The following KAZN variants were observed in gnomAD, a reference collection of about 807,000 sequenced individuals.
KAZN encodes kazrin, periplakin interacting protein, also known as kazrin.
A neutral mutation model predicts 87.4 loss-of-function variants in KAZN; 40 were observed. That is an observed-to-expected ratio of 0.46 (90% CI 0.36 to 0.60). The LOEUF is 0.60. Among genes scored for constraint, KAZN ranks in the 20% least tolerant of loss-of-function variants. The pLI, the probability that KAZN is intolerant of heterozygous loss-of-function variation, is 0.00. For synonymous variants in KAZN, 466 were observed against 458.3 expected (o/e 1.02, Z -0.22); for missense variants, 898 against 1,073.9 (o/e 0.84, Z 2.29).
chr1:14,165,333 A>G (rs190191829), intron 1 of KAZN, among the ~76,000 whole-genome samples: 155 of 148,030 alleles, frequency 1.0e-3, no homozygotes, highest in African/African-American at 2.8e-3. Context: ...TGTCTACTCC[A>G]CTCCCTGCCT....
intron 2 of KAZN, among the ~76,000 whole-genome samples, chr1:14,579,340 A>G (rs1675384979): frequency 6.6e-6 from 1 of 152,200 alleles, no homozygotes; most frequent in African/African-American, 2.4e-5. Context: ...ATATCTCCTG[A>G]GTAGTCTGGG....
rs992872100 is a variant in KAZN, at chr1:14,184,322, C to T, written c.249+3730C>T. ...AAATCTATTCCCCTCCTCCCTCCCT[C>T]GCCTTCTCTTCTTTTGGTTGGCAAA... On this transcript the variant is annotated intron_variant, in intron 2 of 16. Transcript: ENST00000636203. This position sits in a 1 kb window ranked among gnomAD's most constrained non-coding sequence, Gnocchi z 4.2. Among the ~76,000 whole-genome samples, 9 of 152,100 alleles carry T rather than the reference C, an allele frequency of 5.9e-5. No individual in the cohort carries two copies. Among genetic ancestry groups the T allele is most frequent in the Non-Finnish European group, 1.0e-4 (7 of 68,024 alleles).
intron 1 of KAZN, among the ~76,000 whole-genome samples, chr1:14,127,376 A>G (rs1024020050): frequency 1.3e-5 from 2 of 149,668 alleles, no homozygotes; most frequent in African/African-American, 4.9e-5. Flanking sequence ...AATAGCTGAG[A>G]AAAAGCATAC....
chr1:14,175,801 A>C (rs995851593), intron 1 of KAZN, among the ~76,000 whole-genome samples: 2 of 152,144 alleles, frequency 1.3e-5, no homozygotes, highest in Admixed American at 6.6e-5. Context: ...ATTTGGGAAG[A>C]AGGTTTGTTA....
intron 2 of KAZN, among the ~76,000 whole-genome samples, chr1:14,328,748 GAAAAAAA>G (rs3084955): frequency 2.7e-3 from 151 of 55,936 alleles, no homozygotes; most frequent in African/African-American, 8.7e-3. Flanking sequence ...ATCCCTAACT[GAAAAAAA>G]AAAAAAAAAA....
At chr1:14,323,728 T>A (rs923010982) in intron 2 of KAZN, among the ~76,000 whole-genome samples, 1 of 152,172 alleles carries the variant, frequency 6.6e-6, no homozygotes, top group African/African-American at 2.4e-5. Flanking sequence ...TTTGGCCCAA[T>A]TGATAGGATT....
At chr1:14,744,733 A>C (rs1478108520) in intron 1 of KAZN, among the ~76,000 whole-genome samples, 1 of 152,216 alleles carries the variant, frequency 6.6e-6, no homozygotes, top group African/African-American at 2.4e-5. Context: ...CTCTTTAAAA[A>C]TAAAAACAAT....
rs1277186728 is a variant in KAZN, at chr1:14,342,831, CT to C, written c.249+162241del. ...CTTATCGGATGAGGTTTTTTATAAG[CT>C]TGTGTCCATTAAACTCTTGTATGTA... On this transcript the variant is annotated intron_variant, in intron 2 of 16. Coordinates refer to the KAZN transcript ENST00000636203. Among the ~76,000 whole-genome samples the C allele has an allele frequency of 5.3e-5, 8 of 152,230 alleles. No individual in the cohort carries two copies. The East Asian group carries it at 1.5e-3, about 29-fold the overall frequency.
chr1:14,931,420 T>G (rs6429694), intron 1 of KAZN, among the ~76,000 whole-genome samples: 55,150 of 151,758 alleles, frequency 0.36, 12,039 homozygotes, highest in African/African-American at 0.61. Flanking sequence ...CTGCACTCCA[T>G]CCTGGGCAAC....
Position 15,115,877 on chromosome 1 carries a change from G to T in KAZN, c.*1242G>T, listed in dbSNP as rs1641824593. 6.6e-6 allele frequency: 1 copy of T among 152,158 alleles called. No homozygotes were observed. Among genetic ancestry groups the T allele is most frequent in the African/African-American group, 2.4e-5 (1 of 41,424 alleles). 9.4% of individuals were successfully genotyped at this position (152,158 alleles called of 1,614,324 possible). A position where few individuals can be genotyped will look rare whatever the true frequency, so the allele number is the denominator to read the frequency against. On this transcript the variant is annotated 3_prime_UTR_variant, in exon 15 of 15. Coordinates refer to ENST00000376030, the MANE Select transcript of KAZN (RefSeq NM_201628.3). The surrounding 1 kb of genome is among the most constrained non-coding windows in gnomAD (Gnocchi z 4.1). Reference sequence around the variant, plus strand: ...TCAGGAGACAATGGGAAGTTATGGGGTAGCTAATTTCCCATTTACAACACA... The same window carrying T: ...TCAGGAGACAATGGGAAGTTATGGGTTAGCTAATTTCCCATTTACAACACA...
At chr1:14,024,869 G>C (rs981683776) in intron 1 of KAZN, among the ~76,000 whole-genome samples, 1 of 152,146 alleles carries the variant, frequency 6.6e-6, no homozygotes, top group Non-Finnish European at 1.5e-5. Flanking sequence ...CCAATTGCTG[G>C]CGTGGCATTT....
At chr1:14,463,863 A>G (rs953250676) in intron 2 of KAZN, among the ~76,000 whole-genome samples, 1 of 152,188 alleles carries the variant, frequency 6.6e-6, no homozygotes, top group African/African-American at 2.4e-5. Context: ...GGAGTCAGAG[A>G]TACCTCCCCT....
At chr1:14,972,070 G>C (rs1481808115) in intron 2 of KAZN, among the ~76,000 whole-genome samples, 1 of 152,134 alleles carries the variant, frequency 6.6e-6, no homozygotes, top group Non-Finnish European at 1.5e-5. Context: ...CCCTTCCCAG[G>C]AAAGGTCAGA....
In KAZN at chr1:15,114,007, A is replaced by G. The variant is rs548445234; in HGVS notation, c.2164-464A>G. On this transcript the variant is annotated intron_variant, in intron 14 of 14. Coordinates refer to ENST00000376030, the MANE Select transcript of KAZN (RefSeq NM_201628.3). ...GGGAAGTGGCAGAGCAGGGATCTGA[A>G]CCTGGGTCTGTGAGTCTCCAAAACT... 72 of 156,390 alleles carry G rather than the reference A, an allele frequency of 4.6e-4. 2 individuals are homozygous for G. The South Asian group carries it at 0.013, about 29-fold the overall frequency. The allele number at this position is 156,390 out of a possible 1,614,324, so 9.7% of individuals were successfully genotyped here.
intron 2 of KAZN, among the ~76,000 whole-genome samples, chr1:14,478,729 C>A (rs1030970184): frequency 6.6e-6 from 1 of 152,172 alleles, no homozygotes; most frequent in Non-Finnish European, 1.5e-5. Context: ...CGTAATGTCT[C>A]ACACAGACCC....
chr1:14,227,510 G>A (rs1647398998), intron 2 of KAZN, among the ~76,000 whole-genome samples: 1 of 152,126 alleles, frequency 6.6e-6, no homozygotes, highest in Non-Finnish European at 1.5e-5. Context: ...GGTGATCTCA[G>A]GGTGCCTAAA....
chr1:15,099,382 A>C lies in KAZN; in HGVS notation c.1548-2161A>C, dbSNP rs972400307. 6.6e-6 allele frequency among the ~76,000 whole-genome samples: 1 copy of C among 152,258 alleles called. No homozygotes were observed. The highest frequency in any genetic ancestry group is 1.5e-5 in the Non-Finnish European group (1 of 68,052). ...TTAGTGGACAAACCAGCAATTGCTT[A>C]GGTTCAGTATGTGATTAGAGCTTTG... On this transcript the variant is annotated intron_variant, in intron 10 of 14. Transcript: ENST00000376030. This position sits in a 1 kb window ranked among gnomAD's most constrained non-coding sequence, Gnocchi z 5.4.
chr1:14,551,979 C>A (rs568538803), intron 2 of KAZN, among the ~76,000 whole-genome samples: 53 of 152,198 alleles, frequency 3.5e-4, no homozygotes, highest in African/African-American at 1.0e-3. Context: ...CTTTTTATTT[C>A]TTTCTTTCTT....
chr1:14,470,341 C>T (rs1004705451), intron 2 of KAZN, among the ~76,000 whole-genome samples: 12 of 152,172 alleles, frequency 7.9e-5, no homozygotes, highest in African/African-American at 1.9e-4. Context: ...AACAAATTAC[C>T]GGGGAAGGTA....
Sources: gnomAD v4.1 joint callset for allele counts (sites outside exome capture counted in the v4.1 genomes callset) on GRCh38, gnomAD v4.1.1 for gene constraint, Gnocchi (gnomAD v3.1) non-coding constraint, MANE v1.5 for transcripts, NCBI Gene and HGNC (gene_info 2026-07-23, HGNC 2026-07-21) for gene names.